NCKAP5: variants seen among roughly 807,000 people sequenced by gnomAD.
NCKAP5 encodes NCK associated protein 5, also known as nck-associated protein 5.
In NCKAP5, 92 loss-of-function variants were observed where a neutral mutation model predicts 167.0. The ratio of observed to expected loss-of-function variants is 0.55; its 90% CI spans 0.47 to 0.66. The LOEUF is 0.66. Ranked by LOEUF, NCKAP5 falls within the 30% of genes least tolerant of loss-of-function variation. The pLI is 0.00. For synonymous variants in NCKAP5, 891 were observed against 877.4 expected, an observed-to-expected ratio of 1.02 and a Z score of -0.27; for missense variants, 2,378 against 2,315.0, an observed-to-expected ratio of 1.03 and a Z score of -0.56.
At chr2:132,961,692 G>T (rs78450179) in intron 8 of NCKAP5, among the ~76,000 whole-genome samples, 7,863 of 152,136 alleles carry the variant, frequency 0.052, 637 homozygotes, top group African/African-American at 0.18. Flanking sequence ...AGAAACATTC[G>T]CTGCCAAATA....
chr2:133,032,228 G>A (rs2149427193), intron 6 of NCKAP5, among the ~76,000 whole-genome samples: 1 of 152,258 alleles, frequency 6.6e-6, no homozygotes, highest in Non-Finnish European at 1.5e-5. Context: ...CCAGAGGGAA[G>A]GGCAATGCCC....
intron 3 of NCKAP5, among the ~76,000 whole-genome samples, chr2:133,396,711 A>G (rs1171401446): frequency 4.6e-5 from 7 of 152,168 alleles, no homozygotes; most frequent in Admixed American, 4.6e-4. Flanking sequence ...ACCTCTATAA[A>G]GACCCTATCT....
In NCKAP5 at chr2:133,521,858, A is replaced by T. The variant is rs1684504571; in HGVS notation, c.-61-4271T>A. ...TATTTTCAGTCAGGTTTCAAATCAC[A>T]TCTGAGTGTTCTATTAATCAAATTC... On this transcript the variant is annotated intron_variant, in intron 2 of 19. Coordinates refer to ENST00000409261, the MANE Select transcript of NCKAP5 (RefSeq NM_207363.3). Among the ~76,000 whole-genome samples, 2 of 152,210 alleles carry T rather than the reference A, an allele frequency of 1.3e-5. 1 individual carries two copies. Among genetic ancestry groups the T allele is most frequent in the South Asian group, 4.1e-4 (2 of 4,834 alleles).
chr2:133,614,373 C>A, the NCKAP5 span, among the ~76,000 whole-genome samples: 4 of 151,988 alleles, frequency 2.6e-5, no homozygotes, highest in Admixed American at 2.6e-4. Context: ...GAAATTCAAA[C>A]CAAAGGCAAA....
At chr2:132,871,856 T>G (rs1690847884) in intron 9 of NCKAP5, among the ~76,000 whole-genome samples, 1 of 152,230 alleles carries the variant, frequency 6.6e-6, no homozygotes, top group Admixed American at 6.5e-5. Context: ...ATAACGACAG[T>G]GTCCGAGGTT....
chr2:132,703,561 G>A (rs971499674), intron 19 of NCKAP5, among the ~76,000 whole-genome samples: 3 of 152,142 alleles, frequency 2.0e-5, no homozygotes, highest in Admixed American at 1.3e-4. Context: ...TAAACAATGA[G>A]TCAGATTTTC....
chr2:132,962,101 T>C (rs1349461923), intron 8 of NCKAP5, among the ~76,000 whole-genome samples: 2 of 152,226 alleles, frequency 1.3e-5, no homozygotes, highest in Admixed American at 6.5e-5. Context: ...TGTTTGAAGC[T>C]ACTTGCTTAC....
At chr2:132,875,123 G>A (rs1375433280) in intron 9 of NCKAP5, among the ~76,000 whole-genome samples, 3 of 152,098 alleles carry the variant, frequency 2.0e-5, no homozygotes, top group Non-Finnish European at 4.4e-5. Context: ...AACCCCAGGT[G>A]AATATTATAA....
chr2:133,299,457 A>T (rs1680202390), intron 4 of NCKAP5, among the ~76,000 whole-genome samples: 1 of 152,088 alleles, frequency 6.6e-6, no homozygotes, highest in African/African-American at 2.4e-5. Flanking sequence ...GATGAAAAGA[A>T]ATAAAGGGGC....
At chr2:132,847,085 T>C (rs989946989) in intron 11 of NCKAP5, among the ~76,000 whole-genome samples, 1 of 152,300 alleles carries the variant, frequency 6.6e-6, no homozygotes, top group Admixed American at 6.5e-5. Context: ...GCCATATTTA[T>C]ATTATAAAAA....
At chr2:132,974,410 A>G (rs2076918624) in intron 7 of NCKAP5, among the ~76,000 whole-genome samples, 1 of 152,210 alleles carries the variant, frequency 6.6e-6, no homozygotes, top group African/African-American at 2.4e-5. Flanking sequence ...TCATATTTGT[A>G]TAACATCTCA....
At chr2:132,693,608 C>A (rs1381921062) in intron 19 of NCKAP5, among the ~76,000 whole-genome samples, 3 of 117,102 alleles carry the variant, frequency 2.6e-5, no homozygotes, top group African/African-American at 8.1e-5. Flanking sequence ...ACCCCGAATA[C>A]CCCACCCCGC....
At chr2:133,004,154 T>A (rs1266696836) in intron 6 of NCKAP5, among the ~76,000 whole-genome samples, 1 of 152,236 alleles carries the variant, frequency 6.6e-6, no homozygotes, top group Non-Finnish European at 1.5e-5. Context: ...ATCTCACATG[T>A]GCAAGTAAAT....
intron 16 of NCKAP5, among the ~76,000 whole-genome samples, chr2:132,768,814 T>A (rs538550348): frequency 5.6e-4 from 85 of 151,558 alleles, no homozygotes; most frequent in Non-Finnish European, 1.0e-3. Flanking sequence ...TAATTTTTTG[T>A]ATTTTTAGTA....
intron 3 of NCKAP5, among the ~76,000 whole-genome samples, chr2:133,399,441 G>A (rs1167183410): frequency 1.3e-5 from 2 of 151,992 alleles, no homozygotes; most frequent in Non-Finnish European, 1.5e-5. Flanking sequence ...AGGAAGGCCG[G>A]GAGGCAGTTG....
chr2:132,934,508 G>T (rs1006977648), intron 8 of NCKAP5, among the ~76,000 whole-genome samples: 7 of 152,150 alleles, frequency 4.6e-5, no homozygotes, highest in African/African-American at 1.4e-4. Context: ...GGAGGTGGAG[G>T]TTGCAGTGAG....
chr2:133,543,421 T>C (rs549626049), intron 2 of NCKAP5, among the ~76,000 whole-genome samples: 2 of 152,314 alleles, frequency 1.3e-5, no homozygotes, highest in African/African-American at 2.4e-5. Context: ...AATGGACTAA[T>C]ACAAGGTACT....
chr2:132,826,294 A>T (rs1250411548), intron 11 of NCKAP5, among the ~76,000 whole-genome samples: 1 of 152,144 alleles, frequency 6.6e-6, no homozygotes, highest in Non-Finnish European at 1.5e-5. Context: ...AAAGGCATAA[A>T]CCCTTTAAAT....
In NCKAP5 at chr2:132,920,769, A is replaced by G. The variant is rs867885514; in HGVS notation, c.580-41853T>C. 4.1e-3 allele frequency among the ~76,000 whole-genome samples: 131 copies of G among 31,920 alleles called. 4 individuals are homozygous for G. Among genetic ancestry groups the G allele is most frequent in the African/African-American group, 0.022 (112 of 5,112 alleles). 20.9% of individuals were successfully genotyped at this position (31,920 alleles called of 152,430 possible). On this transcript the variant is annotated intron_variant, in intron 8 of 19. Coordinates refer to ENST00000409261, the MANE Select transcript of NCKAP5 (RefSeq NM_207363.3). ...TGTATATATATATGTATATATATGTATGTATATATATATATATATATATAT... is the reference window on the plus strand; with the variant it reads ...TGTATATATATATGTATATATATGTGTGTATATATATATATATATATATAT...
Sources: gnomAD v4.1 joint callset for allele counts (sites outside exome capture counted in the v4.1 genomes callset) on GRCh38, gnomAD v4.1.1 for gene constraint, MANE v1.5 for transcripts, NCBI Gene and HGNC (gene_info 2026-07-23, HGNC 2026-07-21) for gene names.